MCPH1: variants seen among roughly 807,000 people sequenced by gnomAD.
MCPH1 encodes microcephalin.
Under a neutral mutation model 84.5 loss-of-function variants are expected in MCPH1, and 104 were observed. The observed-to-expected ratio is 1.23, with a 90% CI of 1.05 to 1.45. The LOEUF (loss-of-function observed/expected upper bound fraction) is 1.45, where lower values mean the gene tolerates loss of function less well. Among genes scored for constraint, MCPH1 ranks in the 40% most tolerant of loss-of-function variants. The pLI, the probability that MCPH1 is intolerant of heterozygous loss-of-function variation, is 0.00. For synonymous variants in MCPH1, 514 were observed against 366.8 expected, an observed-to-expected ratio of 1.40 and a Z score of -4.58; for missense variants, 1,498 against 1,005.7, an observed-to-expected ratio of 1.49 and a Z score of -6.62.
chr8:6,484,131 A>G (rs1413748861), intron 11 of MCPH1, among the ~76,000 whole-genome samples: 1 of 152,238 alleles, frequency 6.6e-6, no homozygotes, highest in African/African-American at 2.4e-5. Flanking sequence ...TGAAGAGATC[A>G]GAAGAAAACG....
chr8:6,512,982 C>T (rs552985578), intron 12 of MCPH1, among the ~76,000 whole-genome samples: 1 of 152,336 alleles, frequency 6.6e-6, no homozygotes, highest in South Asian at 2.1e-4. Context: ...GACAGACTAA[C>T]TTTTGAAACC....
At chr8:6,550,963 C>A (rs1334401447) in intron 12 of MCPH1, among the ~76,000 whole-genome samples, 5 of 152,200 alleles carry the variant, frequency 3.3e-5, no homozygotes, top group Non-Finnish European at 7.3e-5. Context: ...CCTTCTCTGA[C>A]TGCTGTCCTA....
At chr8:6,616,314 G>A (rs1252451299) in intron 12 of MCPH1, 1 of 152,210 alleles carries the variant, frequency 6.6e-6, no homozygotes, top group Non-Finnish European at 1.5e-5. Context: ...CCCTGGGCTG[G>A]AGTAAATGAA....
chr8:6,471,376 A>G lies in MCPH1; in HGVS notation c.1936-6218A>G, dbSNP rs148377341. Among the ~76,000 whole-genome samples the G allele has an allele frequency of 7.9e-4, 121 of 152,252 alleles. 1 individual carries two copies. Among genetic ancestry groups the G allele is most frequent in the African/African-American group, 2.8e-3 (116 of 41,536 alleles). Reference sequence around the variant, plus strand: ...GATGGATTGTTTTTTAATCTATGCAAATAATTATATTGCGCTGAAAAAAAT... The same window carrying G: ...GATGGATTGTTTTTTAATCTATGCAGATAATTATATTGCGCTGAAAAAAAT... On this transcript the variant is annotated intron_variant, in intron 9 of 13. Coordinates refer to ENST00000344683, the MANE Select transcript of MCPH1 (RefSeq NM_024596.5).
chr8:6,590,083 T>TG lies in MCPH1; in HGVS notation c.2215-31366dup, dbSNP rs538408901. 1.4e-4 allele frequency among the ~76,000 whole-genome samples: 22 copies of TG among 151,820 alleles called. No individual in the cohort carries two copies. In the East Asian group the frequency reaches 4.1e-3, roughly 28 times the overall value. On this transcript the variant is annotated intron_variant, in intron 12 of 13. Coordinates refer to ENST00000344683, the MANE Select transcript of MCPH1 (RefSeq NM_024596.5). ...GCACGTTCTTTATAATAGCAAAAAG[T>TG]GGGGGAGTGAGGAACATTTGGTGCC...
intron 13 of MCPH1, among the ~76,000 whole-genome samples, chr8:6,639,678 A>C (rs1197574785): frequency 6.6e-6 from 1 of 152,066 alleles, no homozygotes; most frequent in East Asian, 1.9e-4. Flanking sequence ...AAAAAAAAAA[A>C]AACATATTTA....
intron 10 of MCPH1, 91 bp downstream of exon 10, chr8:6,477,722 A>C (rs771094572): frequency 1.0e-6 from 1 of 957,442 alleles, no homozygotes; most frequent in Middle Eastern, 2.3e-4. Context: ...CAACTTGTCA[A>C]TCTGTCCTGT....
In MCPH1 at chr8:6,640,059, CGTGTGTGTGTGTGT is replaced by C. The variant is rs147642349; in HGVS notation, c.2453-2909_2453-2896del. Among the ~76,000 whole-genome samples, 249 of 134,282 alleles carry C rather than the reference CGTGTGTGTGTGTGT, an allele frequency of 1.9e-3. 1 individual carries two copies. The highest frequency in any genetic ancestry group is 6.7e-3 in the African/African-American group (238 of 35,678). The allele number at this position is 134,282 out of a possible 152,430, so 88.1% of individuals were successfully genotyped here. A position where few individuals can be genotyped will look rare whatever the true frequency, so the allele number is the denominator to read the frequency against. ...CGGCTGGCTTCTGCTATTTTAAACT[CGTGTGTGTGTGTGT>C]GTGTGTGTGTGTGTGTGTGTGTGTG... On this transcript the variant is annotated intron_variant, in intron 13 of 13. Coordinates refer to ENST00000344683, the MANE Select transcript of MCPH1 (RefSeq NM_024596.5).
chr8:6,530,828 A>G (rs984273770), intron 12 of MCPH1, among the ~76,000 whole-genome samples: 7 of 152,212 alleles, frequency 4.6e-5, no homozygotes, highest in African/African-American at 1.7e-4. Context: ...TTAGGAAGAC[A>G]ATGAAAGAAC....
chr8:6,630,032 T>C (rs1045891133), intron 13 of MCPH1, among the ~76,000 whole-genome samples: 2 of 152,234 alleles, frequency 1.3e-5, no homozygotes, highest in Non-Finnish European at 2.9e-5. Flanking sequence ...TTGGATGAAA[T>C]GATCTCATTT....
At chr8:6,488,537 A>G (rs1364146030) in intron 11 of MCPH1, among the ~76,000 whole-genome samples, 1 of 152,188 alleles carries the variant, frequency 6.6e-6, no homozygotes, top group East Asian at 1.9e-4. Flanking sequence ...AAATTTTTAC[A>G]TTAATATTTT....
chr8:6,445,118 A>C lies in MCPH1; in HGVS notation c.1396A>C (p.Lys466Gln). The change falls in exon 8 of 14, where the codon AAA becomes CAA. Residue 466 changes from lysine to glutamine, a missense_variant. Transcript: ENST00000344683. ...AATGTCTGATTTTTCCTGCGTTGGCAAAAAAACCAGAACAGTTGACATTAC... is the reference window on the plus strand; with the variant it reads ...AATGTCTGATTTTTCCTGCGTTGGCCAAAAAACCAGAACAGTTGACATTAC... The part of the protein sequence containing the change: ...FEMSDFSCVG[K>Q]KTRTVDITNF... 1 of 1,614,182 alleles carries C rather than the reference A, an allele frequency of 6.2e-7. No homozygotes were observed. The highest frequency in any genetic ancestry group is 8.5e-7 in the Non-Finnish European group (1 of 1,180,016).
intron 3 of MCPH1, among the ~76,000 whole-genome samples, chr8:6,417,431 G>C (rs1799475849): frequency 6.6e-6 from 1 of 152,136 alleles, no homozygotes; most frequent in Non-Finnish European, 1.5e-5. Flanking sequence ...CAGGAAGCCA[G>C]GTAGTTTCCC....
chr8:6,436,265 C>A (rs975777928), intron 5 of MCPH1, 103 bp downstream of exon 5: 2 of 1,227,432 alleles, frequency 1.6e-6, no homozygotes, highest in Non-Finnish European at 2.3e-6. Flanking sequence ...CTGATGAAGA[C>A]TATGATAGCT....
In MCPH1 at chr8:6,621,679, A is replaced by C. The variant is rs1831436417; in HGVS notation, c.2440A>C (p.Lys814Gln). 6.2e-7 allele frequency: 1 copy of C among 1,614,178 alleles called. No individual in the cohort carries two copies. Among genetic ancestry groups the C allele is most frequent in the Non-Finnish European group, 8.5e-7 (1 of 1,180,046 alleles). Residue 814 changes from lysine (K) to glutamine (Q), a missense_variant, in exon 13 of 14, where the codon AAA becomes CAA. Lys to Gln is a moderately conservative substitution (Grantham distance 53). Transcript: ENST00000344683. ...KKATVKYLSE[K>Q]WVLDSITQHK... ...AGCCACAGTCAAGTATCTGTCTGAG[A>C]AATGGGTCTTAGGTAAGAATCCAGG...
At chr8:6,511,123 G>C (rs1814993278) in intron 12 of MCPH1, among the ~76,000 whole-genome samples, 2 of 152,080 alleles carry the variant, frequency 1.3e-5, no homozygotes, top group African/African-American at 2.4e-5. Flanking sequence ...ATTATCCCCA[G>C]AGGCAAGAAA....
chr8:6,534,660 A>T (rs887535145), intron 12 of MCPH1, among the ~76,000 whole-genome samples: 43 of 152,326 alleles, frequency 2.8e-4, no homozygotes, highest in African/African-American at 8.2e-4. Context: ...TTAAAAAAAT[A>T]AAAAATCAGT....
At chr8:6,555,047 A>G (rs1178214066) in intron 12 of MCPH1, among the ~76,000 whole-genome samples, 1 of 152,310 alleles carries the variant, frequency 6.6e-6, no homozygotes, top group South Asian at 2.1e-4. Context: ...TAAACCACAC[A>G]TAAAACAGTC....
At chr8:6,465,041 C>T (rs1249068965) in intron 9 of MCPH1, among the ~76,000 whole-genome samples, 2 of 151,844 alleles carry the variant, frequency 1.3e-5, no homozygotes, top group Non-Finnish European at 2.9e-5. Context: ...GCATTCTATG[C>T]ACTGAGCAAA....
Sources: gnomAD v4.1 joint callset for allele counts (sites outside exome capture counted in the v4.1 genomes callset) on GRCh38, gnomAD v4.1.1 for gene constraint, MANE v1.5 for transcripts, NCBI Gene and HGNC (gene_info 2026-07-23, HGNC 2026-07-21) for gene names.